Variants in PADI2 observed in about 807,000 individuals in gnomAD.
The protein encoded by PADI2 is protein-arginine deiminase type-2.
Under a neutral mutation model 81.1 loss-of-function variants are expected in PADI2, and 70 were observed. The observed-to-expected ratio is 0.86, with a 90% CI of 0.71 to 1.05. The LOEUF is 1.05. Among genes scored for constraint, PADI2 ranks in the 50% least tolerant of loss-of-function variants. PADI2 has a pLI of 0.00. For missense variants in PADI2, 853 were observed against 889.9 expected, an observed-to-expected ratio of 0.96 and a Z score of 0.53; for synonymous variants, 338 against 358.0, an observed-to-expected ratio of 0.94 and a Z score of 0.63.
At chr1:17,075,031 A>G in intron 12 of PADI2, 82 bp from the exon 13 acceptor site, 1 of 822,188 alleles carries the variant, frequency 1.2e-6, no homozygotes, top group Non-Finnish European at 2.0e-6. Context: ...CTGAGGACCC[A>G]GTGCCTTGCC....
chr1:17,068,939 T>C lies in PADI2; in HGVS notation c.*105A>G. The C allele has an allele frequency of 1.1e-6, 1 of 875,912 alleles. No individual in the cohort carries two copies. The highest frequency in any genetic ancestry group is 1.9e-5 in the Admixed American group (1 of 53,108). 54.3% of individuals were successfully genotyped at this position (875,912 alleles called of 1,614,324 possible). On this transcript the variant is annotated 3_prime_UTR_variant, in exon 16 of 16. Transcript: ENST00000375486. ...CAAATTCCACCCCACGTCCCAAAGGTCTCCCAGCGGGGCTGTCCAGTCCAT... is the reference window on the plus strand; with the variant it reads ...CAAATTCCACCCCACGTCCCAAAGGCCTCCCAGCGGGGCTGTCCAGTCCAT...
chr1:17,072,379 T>C (rs1016749436), intron 13 of PADI2, among the ~76,000 whole-genome samples: 9 of 152,226 alleles, frequency 5.9e-5, no homozygotes, highest in African/African-American at 2.2e-4. Flanking sequence ...CAGAAAACTT[T>C]AGGGATCTGT....
In PADI2 at chr1:17,079,305, T is replaced by C. The variant is rs1205663158; in HGVS notation, c.1269A>G (p.Thr423=). Residue 423 remains threonine (T), a synonymous_variant, in exon 11 of 16, where the codon ACA becomes ACG. Coordinates refer to ENST00000375486, the MANE Select transcript of PADI2 (RefSeq NM_007365.3). ...CGATGAGGATGCGGCCAAGCGGGTA[T>C]GTCTTGCCGTTCACGGTCACTGGGG... is the stretch of plus-strand genomic sequence containing the variant. ...VSPPVTVNGK[T]YPLGRILIGS... is the part of the protein sequence containing the mutation. 1.2e-6 allele frequency: 2 copies of C among 1,614,144 alleles called. No homozygotes were observed. The highest frequency in any genetic ancestry group is 8.5e-7 in the Non-Finnish European group (1 of 1,180,010).
intron 10 of PADI2, among the ~76,000 whole-genome samples, chr1:17,082,248 A>G (rs1051991514): frequency 5.3e-5 from 8 of 152,122 alleles, no homozygotes; most frequent in African/African-American, 1.4e-4. Context: ...TTTTGCTGCA[A>G]TTTGGAGGGG....
chr1:17,091,143 G>A (rs1930678256), intron 6 of PADI2, among the ~76,000 whole-genome samples: 1 of 150,968 alleles, frequency 6.6e-6, no homozygotes, highest in Non-Finnish European at 1.5e-5. Flanking sequence ...ACTGGTATTG[G>A]GTGGCTGCTG....
chr1:17,083,686 G>A (rs369071935), intron 9 of PADI2, 40 bp downstream of exon 9: 5 of 1,259,726 alleles, frequency 4.0e-6, no homozygotes, highest in South Asian at 2.4e-5. Context: ...TGCTTGACCC[G>A]GGGGCCATGT....
intron 1 of PADI2, among the ~76,000 whole-genome samples, chr1:17,117,962 A>G (rs1183391381): frequency 1.3e-5 from 2 of 152,130 alleles, no homozygotes; most frequent in Non-Finnish European, 2.9e-5. Context: ...TACATGGGGG[A>G]CAACTGAAGC....
Position 17,070,199 on chromosome 1 carries a change from G to T in PADI2, c.1653C>A (p.Asn551Lys), listed in dbSNP as rs2078255302. The change falls in exon 15 of 16, where the codon AAC becomes AAA. Residue 551 changes from asparagine (N) to lysine (K), a missense_variant. Asn to Lys is a moderately conservative substitution (Grantham distance 94, BLOSUM62 0). Transcript: ENST00000375486. ...CCAGCTCCTTCTTGAGGATGTCACG[G>T]TTCCAGTCTAGGCAGCGCTGGGTAG... ...NLYFQRCLDW[N>K]RDILKKELGL... 1 of 1,614,074 alleles carries T rather than the reference G, an allele frequency of 6.2e-7. No individual in the cohort carries two copies. Among genetic ancestry groups the T allele is most frequent in the Non-Finnish European group, 8.5e-7 (1 of 1,179,978 alleles).
intron 3 of PADI2, among the ~76,000 whole-genome samples, chr1:17,100,220 C>T (rs1337586874): frequency 1.3e-5 from 2 of 150,664 alleles, no homozygotes; most frequent in Non-Finnish European, 2.9e-5. Context: ...GAACAGGAAA[C>T]AGAAGTTCAA....
chr1:17,104,595 G>C (rs1931287854), intron 2 of PADI2, among the ~76,000 whole-genome samples: 1 of 151,468 alleles, frequency 6.6e-6, no homozygotes, highest in Non-Finnish European at 1.5e-5. Flanking sequence ...CCCCATGCCT[G>C]GCTAATCTTT....
intron 1 of PADI2, among the ~76,000 whole-genome samples, chr1:17,109,974 G>A (rs1429604285): frequency 2.0e-5 from 3 of 152,192 alleles, no homozygotes; most frequent in Non-Finnish European, 4.4e-5. Context: ...AGGCTCCAGA[G>A]GGTTAACGCC....
chr1:17,085,321 C>T (rs549898708), intron 7 of PADI2, among the ~76,000 whole-genome samples: 1 of 152,292 alleles, frequency 6.6e-6, no homozygotes, highest in East Asian at 1.9e-4. Flanking sequence ...AGGAAATGGA[C>T]CCCATCCTTG....
At chr1:17,101,781 T>C (rs991972577) in intron 3 of PADI2, among the ~76,000 whole-genome samples, 7 of 152,168 alleles carry the variant, frequency 4.6e-5, no homozygotes, top group East Asian at 1.9e-4. Context: ...ACTGGAATGA[T>C]TGGCATCTCA....
chr1:17,086,671 G>A lies in PADI2; in HGVS notation c.684C>T (p.His228=). The A allele has an allele frequency of 6.2e-7, 1 of 1,614,084 alleles. No individual in the cohort carries two copies. The highest frequency in any genetic ancestry group is 8.5e-7 in the Non-Finnish European group (1 of 1,180,028). The change falls in exon 7 of 16, where the codon CAC becomes CAT. Residue 228 remains histidine, a synonymous_variant. Transcript: ENST00000375486. ...ENPFFGQRYI[H]ILGRRKLYHV... The stretch of plus-strand genomic sequence containing the variant: ...GGTAGAGCTTCCGCCGGCCCAGGAT[G>A]TGGATATAGCGTTGGCCGAAGAACG...
chr1:17,075,785 A>G lies in PADI2; in HGVS notation c.1349T>C (p.Phe450Ser), dbSNP rs557190879. 1 of 1,613,994 alleles carries G rather than the reference A, an allele frequency of 6.2e-7. No individual in the cohort carries two copies. The highest frequency in any genetic ancestry group is 1.7e-5 in the Admixed American group (1 of 59,990). The change falls in exon 12 of 16, where the codon TTC becomes TCC. Residue 450 changes from phenylalanine (F) to serine (S), a missense_variant. Coordinates refer to ENST00000375486, the MANE Select transcript of PADI2 (RefSeq NM_007365.3). Reference protein sequence around the residue: ...GRRMTKVVRDFLKAQQVQAPV... With the variant: ...GRRMTKVVRDSLKAQQVQAPV... ...CGCCTGCACCTGCTGGGCCTTCAGG[A>G]AGTCACGCACCACCTTGGTCATCCT...
At chr1:17,098,275 C>T (rs1317354575) in intron 3 of PADI2, among the ~76,000 whole-genome samples, 1 of 152,164 alleles carries the variant, frequency 6.6e-6, no homozygotes, top group African/African-American at 2.4e-5. Flanking sequence ...AGGAAGTGCC[C>T]ATTTCCCCAC....
At chr1:17,097,052 G>A (rs545324674) in intron 3 of PADI2, among the ~76,000 whole-genome samples, 32 of 152,308 alleles carry the variant, frequency 2.1e-4, no homozygotes, top group Admixed American at 1.4e-3. Flanking sequence ...AGTTGGAGAC[G>A]GATGAGGTCG....
At chr1:17,094,422 C>A (rs965513473) in intron 4 of PADI2, among the ~76,000 whole-genome samples, 3 of 152,216 alleles carry the variant, frequency 2.0e-5, no homozygotes, top group Non-Finnish European at 4.4e-5. Context: ...CCCACTCTAC[C>A]CTTCCTCGGT....
chr1:17,101,385 C>T (rs375024301), intron 3 of PADI2, among the ~76,000 whole-genome samples: 1 of 152,152 alleles, frequency 6.6e-6, no homozygotes, highest in African/African-American at 2.4e-5. Flanking sequence ...CCTGCCCTTC[C>T]TGCCCCCGTC....
Sources: gnomAD v4.1 joint callset for allele counts (sites outside exome capture counted in the v4.1 genomes callset) on GRCh38, gnomAD v4.1.1 for gene constraint, MANE v1.5 for transcripts, NCBI Gene and HGNC (gene_info 2026-07-23, HGNC 2026-07-21) for gene names.